The following MTHFSD variants were observed in gnomAD, a reference collection of about 807,000 sequenced individuals.
MTHFSD encodes methenyltetrahydrofolate synthase domain-containing protein.
A neutral mutation model predicts 31.1 loss-of-function variants in MTHFSD; 37 were observed. The ratio of observed to expected loss-of-function variants is 1.19; its 90% CI spans 0.91 to 1.56. The LOEUF (loss-of-function observed/expected upper bound fraction) is 1.56. Among genes scored for constraint, MTHFSD ranks in the 40% most tolerant of loss-of-function variants. The pLI is 0.00. For synonymous variants in MTHFSD, 221 were observed against 206.9 expected (o/e 1.07, Z -0.59); for missense variants, 664 against 510.1 (o/e 1.30, Z -2.91).
Position 86,531,902 on chromosome 16 carries a change from G to T in MTHFSD, c.*109C>A. On this transcript the variant is annotated 3_prime_UTR_variant, in exon 8 of 8. Transcript: ENST00000360900. This position sits in a 1 kb window ranked among gnomAD's most constrained non-coding sequence, Gnocchi z 5.5. The stretch of plus-strand genomic sequence containing the variant: ...GAATTGAGACCCGAGCAGCTCAGGC[G>T]GTGGCTCCGACACGTCTTGCCACGC... 1 of 675,806 alleles carries T rather than the reference G, an allele frequency of 1.5e-6. No homozygotes were observed. 41.9% of individuals were successfully genotyped at this position (675,806 alleles called of 1,614,324 possible).
At chr16:86,543,205 G>A (rs1390316029) in intron 5 of MTHFSD, among the ~76,000 whole-genome samples, 1 of 152,250 alleles carries the variant, frequency 6.6e-6, no homozygotes, top group Non-Finnish European at 1.5e-5. Flanking sequence ...CAAAGGAGAT[G>A]CTAGTCACTG....
intron 7 of MTHFSD, among the ~76,000 whole-genome samples, chr16:86,536,618 G>A (rs1313220771): frequency 1.3e-5 from 2 of 152,250 alleles, no homozygotes; most frequent in Non-Finnish European, 1.5e-5. Flanking sequence ...AGGAAGGGAT[G>A]GCTCAACCTG....
rs1465901106 is a variant in MTHFSD at position 86,531,652 on chromosome 16, C to T, written c.*359G>A. 5.5e-6 allele frequency: 1 copy of T among 182,332 alleles called. No homozygotes were observed. Among genetic ancestry groups the T allele is most frequent in the Non-Finnish European group, 1.1e-5 (1 of 88,340 alleles). 11.3% of individuals were successfully genotyped at this position (182,332 alleles called of 1,614,324 possible). On this transcript the variant is annotated 3_prime_UTR_variant, in exon 8 of 8. Coordinates refer to ENST00000360900, the MANE Select transcript of MTHFSD (RefSeq NM_001159377.2). The surrounding 1 kb of genome is among the most constrained non-coding windows in gnomAD (Gnocchi z 5.5). ...TGTTCATCTTCTCCTGTTCAGCCCA[C>T]CCCTGGCAAACTCGAGATCACCTTC...
intron 4 of MTHFSD, 108 bp downstream of exon 4, chr16:86,548,356 C>A (rs1446383721): frequency 9.9e-7 from 1 of 1,006,540 alleles, no homozygotes; most frequent in African/African-American, 1.6e-5. Flanking sequence ...TCTTTTGGCT[C>A]TGTTAAAAAT....
rs115642303 is a variant in MTHFSD, at chr16:86,554,216, C to T, written c.123+429G>A. Among the ~76,000 whole-genome samples the T allele has an allele frequency of 4.8e-3, 724 of 152,328 alleles. 6 individuals carry two copies. The highest frequency in any genetic ancestry group is 0.017 in the African/African-American group (687 of 41,570). ...CTGCCTTTGTGAGCTGCAACACTCT[C>T]TGCTAAGGTCTGCAGCTTCACTCCT... On this transcript the variant is annotated intron_variant, in intron 2 of 7. Coordinates refer to ENST00000360900, the MANE Select transcript of MTHFSD (RefSeq NM_001159377.2).
At chr16:86,541,647 A>G (rs1971529158) in intron 7 of MTHFSD, 50 bp downstream of exon 7, 1 of 1,586,422 alleles carries the variant, frequency 6.3e-7, no homozygotes, top group African/African-American at 1.3e-5. Flanking sequence ...CACTTAAAAG[A>G]GGAGGAGCCG....
chr16:86,532,508 T>C lies in MTHFSD; in HGVS notation c.682-27A>G, dbSNP rs1016188063. ...TGAAAAGCAAAGCAGTTGCAGCTCT[T>C]TCAGGGACAGAATCGCAGGGGCACC... On this transcript the variant is annotated intron_variant, in intron 7 of 7. Coordinates refer to ENST00000360900, the MANE Select transcript of MTHFSD (RefSeq NM_001159377.2). The C allele has an allele frequency of 1.9e-5, 27 of 1,386,688 alleles. No homozygotes were observed. The African/African-American group carries it at 3.4e-4, about 18-fold the overall frequency. The allele number at this position is 1,386,688 out of a possible 1,614,324, so 85.9% of individuals were successfully genotyped here.
At chr16:86,540,613 G>T in intron 7 of MTHFSD, 1 of 943,602 alleles carries the variant, frequency 1.1e-6, no homozygotes, top group Non-Finnish European at 1.3e-6. Flanking sequence ...CCTGTTCTCG[G>T]CTCTGAGGAG....
intron 7 of MTHFSD, among the ~76,000 whole-genome samples, chr16:86,539,518 G>C (rs911924351): frequency 2.0e-5 from 3 of 152,212 alleles, no homozygotes; most frequent in African/African-American, 7.2e-5. Context: ...AGAGGGCTTG[G>C]AGAGTGTGTT....
chr16:86,549,145 C>A (rs1567551879), intron 3 of MTHFSD, among the ~76,000 whole-genome samples: 2 of 152,248 alleles, frequency 1.3e-5, no homozygotes, highest in Admixed American at 1.3e-4. Flanking sequence ...GTGAGAACCT[C>A]TAGAACAGGG....
chr16:86,546,507 C>A, intron 5 of MTHFSD, 52 bp downstream of exon 5: 1 of 1,515,754 alleles, frequency 6.6e-7, no homozygotes, highest in Non-Finnish European at 9.2e-7. Flanking sequence ...TGGCACGCAG[C>A]CGCCTTCAGG....
chr16:86,534,235 C>G (rs1970369081), intron 7 of MTHFSD, among the ~76,000 whole-genome samples: 1 of 152,218 alleles, frequency 6.6e-6, no homozygotes, highest in African/African-American at 2.4e-5. Flanking sequence ...CCATCCTTCT[C>G]AACTGATTCA....
chr16:86,551,996 G>C, intron 3 of MTHFSD, 37 bp downstream of exon 3: 4 of 1,612,762 alleles, frequency 2.5e-6, no homozygotes, highest in Non-Finnish European at 3.4e-6. Context: ...CCCCCTTGGC[G>C]GCCAGGTCTC....
At chr16:86,545,469 G>T (rs1972155908) in intron 5 of MTHFSD, among the ~76,000 whole-genome samples, 1 of 152,096 alleles carries the variant, frequency 6.6e-6, no homozygotes, top group Admixed American at 6.5e-5. Context: ...GACCTTTGCT[G>T]ATTTCCCACC....
chr16:86,532,949 G>C (rs978899963), intron 7 of MTHFSD: 2 of 152,608 alleles, frequency 1.3e-5, no homozygotes, highest in Non-Finnish European at 2.9e-5. Context: ...CTGTACCTTT[G>C]GGTGGGATGA....
intron 5 of MTHFSD, among the ~76,000 whole-genome samples, chr16:86,545,375 AG>A (rs905098363): frequency 6.6e-6 from 1 of 152,156 alleles, no homozygotes; most frequent in Middle Eastern, 3.2e-3. Context: ...TACTTTACAC[AG>A]GGGGTTAGCT....
At position 86,546,607 on chromosome 16, in the gene MTHFSD, C is replaced by T; in HGVS notation, c.394G>A (p.Val132Ile). ...CCCACCACAACTAAATCCACGAGGACTCTGGAGTCCAAGCCTATGGGGACA... is the reference window on the plus strand; with the variant it reads ...CCCACCACAACTAAATCCACGAGGATTCTGGAGTCCAAGCCTATGGGGACA... ...YSVPIGLDSR[V>I]LVDLVVVGSV... The change falls in exon 5 of 8, where the codon GTC becomes ATC. Residue 132 changes from valine (V) to isoleucine (I), a missense_variant. Coordinates refer to ENST00000360900, the MANE Select transcript of MTHFSD (RefSeq NM_001159377.2). 1 of 1,614,020 alleles carries T rather than the reference C, an allele frequency of 6.2e-7. No homozygotes were observed. The highest frequency in any genetic ancestry group is 8.5e-7 in the Non-Finnish European group (1 of 1,180,028).
intron 7 of MTHFSD, chr16:86,540,912 C>T: frequency 8.8e-7 from 1 of 1,133,628 alleles, no homozygotes; most frequent in Non-Finnish European, 1.1e-6. Flanking sequence ...AAAGTCCCGG[C>T]TGGGCTGTGG....
At chr16:86,554,888 C>T (rs1203194783) in intron 1 of MTHFSD, 137 bp from the exon 2 acceptor site, 3 of 1,062,068 alleles carry the variant, frequency 2.8e-6, no homozygotes, top group Non-Finnish European at 4.0e-6. Flanking sequence ...TCAGTTTCCC[C>T]GACCTCAAGG....
Sources: allele counts gnomAD v4.1 joint callset (sites outside exome capture counted in the v4.1 genomes callset), GRCh38; gene constraint gnomAD v4.1.1; non-coding constraint Gnocchi (gnomAD v3.1); transcripts MANE v1.5; gene names NCBI Gene and HGNC (gene_info 2026-07-23, HGNC 2026-07-21).